The following MCUR1 variants were observed in gnomAD, a reference collection of about 807,000 sequenced individuals.
The protein encoded by MCUR1 is mitochondrial calcium uniporter regulator 1, also known as MCU regulator 1.
In MCUR1, 37 loss-of-function variants were observed where a neutral mutation model predicts 42.0. That is an observed-to-expected ratio of 0.88 (90% CI 0.68 to 1.16). The LOEUF is 1.16. Ranked by LOEUF, MCUR1 falls within the 50% of genes most tolerant of loss-of-function variation. MCUR1 has a pLI of 0.00. For missense variants in MCUR1, 469 were observed against 468.4 expected (o/e 1.00, Z -0.01); for synonymous variants, 229 against 196.2 (o/e 1.17, Z -1.40).
At position 13,789,569 on chromosome 6, in the gene MCUR1, G is replaced by C. The variant is rs1759678749; in HGVS notation, c.*1240C>G. On this transcript the variant is annotated 3_prime_UTR_variant, in exon 9 of 9. Coordinates refer to ENST00000379170, the MANE Select transcript of MCUR1 (RefSeq NM_001031713.4). Reference sequence around the variant, plus strand: ...TTCTCGAATTTTGAAAGCCTGAGCTGGTTGTGGGCAAGGGGATATTCATTA... The same window carrying C: ...TTCTCGAATTTTGAAAGCCTGAGCTCGTTGTGGGCAAGGGGATATTCATTA... 1 of 152,192 alleles carries C rather than the reference G, an allele frequency of 6.6e-6. No individual in the cohort carries two copies. The highest frequency in any genetic ancestry group is 2.1e-4 in the South Asian group (1 of 4,832). The allele number at this position is 152,192 out of a possible 1,614,324, so 9.4% of individuals were successfully genotyped here.
At chr6:13,793,418 A>G (rs1251807868) in intron 7 of MCUR1, among the ~76,000 whole-genome samples, 1 of 152,224 alleles carries the variant, frequency 6.6e-6, no homozygotes, top group Non-Finnish European at 1.5e-5. Flanking sequence ...CATATAATGG[A>G]ATACTAATCA....
intron 1 of MCUR1, among the ~76,000 whole-genome samples, chr6:13,812,509 G>GAA (rs1732477389): frequency 6.6e-6 from 1 of 152,074 alleles, no homozygotes; most frequent in Admixed American, 6.6e-5. Flanking sequence ...AAACAAATTG[G>GAA]AAATTACTAG....
At position 13,801,241 on chromosome 6, in the gene MCUR1, A is replaced by G. The variant is rs745331430; in HGVS notation, c.741+47T>C. On this transcript the variant is annotated intron_variant, in intron 4 of 8. Transcript: ENST00000379170. ...TTTTATGTGTATATAATTTATCTCA[A>G]TGTCTTAATATAATCAACTTTCTAA... The G allele has an allele frequency of 4.1e-6, 5 of 1,234,420 alleles. No homozygotes were observed. In the African/African-American group the frequency reaches 6.0e-5, roughly 15 times the overall value. The allele number at this position is 1,234,420 out of a possible 1,614,324, so 76.5% of individuals were successfully genotyped here.
chr6:13,800,492 C>A, intron 4 of MCUR1, 110 bp from the exon 5 acceptor site: 1 of 627,658 alleles, frequency 1.6e-6, no homozygotes, highest in Non-Finnish European at 2.8e-6. Flanking sequence ...TTCCTTCATT[C>A]AGAACACCGT....
chr6:13,803,627 A>G (rs1760041542), intron 2 of MCUR1: 1 of 498,466 alleles, frequency 2.0e-6, no homozygotes, highest in Non-Finnish European at 2.6e-6. Context: ...AAGGAGAAGG[A>G]AAAAAACCTC....
chr6:13,801,338 T>C lies in MCUR1; in HGVS notation c.691A>G (p.Met231Val), dbSNP rs1759984107. ...MSQIANVKKD[M>V]IILEKSEFSA... is the part of the protein sequence containing the mutation. ...AATTCACTCTTCTCCAAAATAATCA[T>C]ATCCTTTTTCACATTCGCAATCTGA... Residue 231 changes from methionine (M) to valine (V), a missense_variant, in exon 4 of 9, where the codon ATG (methionine) becomes GTG (valine). Met to Val is a conservative substitution (Grantham distance 21, BLOSUM62 1). Coordinates refer to ENST00000379170, the MANE Select transcript of MCUR1 (RefSeq NM_001031713.4). 2.5e-6 allele frequency: 4 copies of C among 1,613,192 alleles called. 1 individual carries two copies. The Admixed American group carries it at 6.7e-5, about 27-fold the overall frequency.
intron 7 of MCUR1, among the ~76,000 whole-genome samples, chr6:13,793,378 G>A (rs1318264694): frequency 6.6e-6 from 1 of 152,110 alleles, no homozygotes; most frequent in African/African-American, 2.4e-5. Flanking sequence ...AAGTGCCCTT[G>A]ACAGACGAAT....
chr6:13,805,034 G>C (rs1046795885), intron 2 of MCUR1, among the ~76,000 whole-genome samples: 1 of 152,222 alleles, frequency 6.6e-6, no homozygotes, highest in Non-Finnish European at 1.5e-5. Context: ...ATCCATGTTG[G>C]ATTGAACAGC....
At chr6:13,791,046 T>G (rs550151751) in intron 8 of MCUR1, among the ~76,000 whole-genome samples, 182 bp from the exon 9 acceptor site, 2 of 152,292 alleles carry the variant, frequency 1.3e-5, no homozygotes, top group East Asian at 3.9e-4. Context: ...TTTTATTTTC[T>G]TATTTTAGAG....
intron 2 of MCUR1, chr6:13,804,197 C>T (rs1760057676): frequency 9.5e-6 from 2 of 211,130 alleles, no homozygotes; most frequent in African/African-American, 2.4e-5. Context: ...GTGGTGCATG[C>T]CTGTAATCCC....
At chr6:13,795,714 A>G (rs1168905587) in intron 6 of MCUR1, among the ~76,000 whole-genome samples, 4 of 152,134 alleles carry the variant, frequency 2.6e-5, no homozygotes, top group African/African-American at 9.7e-5. Flanking sequence ...AGGATGATAC[A>G]GTGGACTTTG....
At chr6:13,800,828 A>G (rs1052290317) in intron 4 of MCUR1, among the ~76,000 whole-genome samples, 1 of 152,234 alleles carries the variant, frequency 6.6e-6, no homozygotes, top group African/African-American at 2.4e-5. Context: ...ATGCATAGAC[A>G]GCACTTATTT....
At chr6:13,791,461 T>C (rs1339467275) in intron 8 of MCUR1, among the ~76,000 whole-genome samples, 5 of 152,190 alleles carry the variant, frequency 3.3e-5, no homozygotes, top group Non-Finnish European at 7.4e-5. Flanking sequence ...TACATGAATG[T>C]TCATTCTCTC....
intron 2 of MCUR1, among the ~76,000 whole-genome samples, chr6:13,806,399 A>C (rs1243265372): frequency 6.6e-6 from 1 of 152,242 alleles, no homozygotes; most frequent in African/African-American, 2.4e-5. Context: ...TGCTTCAGAC[A>C]CTGTTGTCAT....
chr6:13,786,563 A>G lies in MCUR1; in HGVS notation c.*4246T>C, dbSNP rs1231025188. The G allele has an allele frequency of 6.6e-6, 1 of 152,196 alleles. No homozygotes were observed. The highest frequency in any genetic ancestry group is 1.5e-5 in the Non-Finnish European group (1 of 68,030). 9.4% of individuals were successfully genotyped at this position (152,196 alleles called of 1,614,324 possible). On this transcript the variant is annotated 3_prime_UTR_variant, in exon 9 of 9. Transcript: ENST00000379170. ...ATGATGAAAAGTTACTTTGTACATT[A>G]TATTAAAATTTATTTTCTATGTATA...
chr6:13,812,534 C>T (rs924530846), intron 1 of MCUR1, among the ~76,000 whole-genome samples: 1 of 152,154 alleles, frequency 6.6e-6, no homozygotes, highest in East Asian at 1.9e-4. Flanking sequence ...TCAGAAAAAG[C>T]GCAACAAAAG....
chr6:13,798,709 C>T (rs1759911202), intron 6 of MCUR1, 124 bp downstream of exon 6: 5 of 641,582 alleles, frequency 7.8e-6, no homozygotes, highest in Non-Finnish European at 1.3e-5. Flanking sequence ...AAAATACAGC[C>T]TAACACTGAT....
At chr6:13,802,150 G>T in intron 3 of MCUR1, 93 bp downstream of exon 3, 4 of 898,612 alleles carry the variant, frequency 4.5e-6, no homozygotes, top group Non-Finnish European at 3.4e-6. Context: ...ACTTTTCAAC[G>T]GGGTATTATC....
intron 6 of MCUR1, among the ~76,000 whole-genome samples, chr6:13,794,530 T>C (rs1019303466): frequency 5.3e-5 from 8 of 152,220 alleles, no homozygotes; most frequent in South Asian, 2.1e-4. Flanking sequence ...AGGTATGAAG[T>C]TGGGGAACAA....
Sources: allele counts gnomAD v4.1 joint callset (sites outside exome capture counted in the v4.1 genomes callset), GRCh38; gene constraint gnomAD v4.1.1; transcripts MANE v1.5; gene names NCBI Gene and HGNC (gene_info 2026-07-23, HGNC 2026-07-21).